The following SND1 variants were observed in gnomAD, a reference collection of about 807,000 sequenced individuals.
SND1 encodes staphylococcal nuclease and tudor domain containing 1.
A neutral mutation model predicts 121.7 loss-of-function variants in SND1; 38 were observed. The ratio of observed to expected loss-of-function variants is 0.31; its 90% CI spans 0.24 to 0.41. The LOEUF (loss-of-function observed/expected upper bound fraction) is 0.41, where lower values mean the gene tolerates loss of function less well. SND1 is among the 10% of genes least tolerant of loss of function. The pLI, the probability that SND1 is intolerant of heterozygous loss-of-function variation, is 1.00. For missense variants in SND1, 868 were observed against 1,184.6 expected (o/e 0.73, Z 3.92); for synonymous variants, 401 against 447.4 (o/e 0.90, Z 1.31).
At chr7:128,031,569 GT>G (rs1252800636) in intron 16 of SND1, 2 of 150,578 alleles carry the variant, frequency 1.3e-5, no homozygotes, top group South Asian at 4.1e-4. Flanking sequence ...CAGTTCTCCA[GT>G]CCGCCGGCTG....
chr7:128,034,986 T>TA (rs1792721073), intron 16 of SND1, among the ~76,000 whole-genome samples: 1 of 152,184 alleles, frequency 6.6e-6, no homozygotes, highest in Non-Finnish European at 1.5e-5. Flanking sequence ...ACTTACACCC[T>TA]AAGAGGAAGA....
In SND1 at chr7:127,671,558, T is replaced by TC. The variant is rs534102456; in HGVS notation, c.79-15054dup. On this transcript the variant is annotated intron_variant, in intron 1 of 23. Transcript: ENST00000354725. ...GTTGCCCGGGCTGGAGTGCAGTGGC[T>TC]CTTCACAGGCTGAGTCATCATAGTA... Among the ~76,000 whole-genome samples the TC allele has an allele frequency of 3.8e-4, 58 of 152,290 alleles. 2 individuals are homozygous for TC. In the East Asian group the frequency reaches 0.01, roughly 27 times the overall value.
chr7:127,935,047 T>C (rs886428519), intron 15 of SND1, among the ~76,000 whole-genome samples: 2 of 152,066 alleles, frequency 1.3e-5, no homozygotes, highest in African/African-American at 4.8e-5. Flanking sequence ...ATCAAGTATA[T>C]AAAAACTGTA....
intron 14 of SND1, among the ~76,000 whole-genome samples, chr7:127,913,117 A>G (rs950492449): frequency 1.3e-5 from 2 of 152,184 alleles, no homozygotes; most frequent in African/African-American, 4.8e-5. Context: ...ACCTCAGAAA[A>G]TGTTTGCTCA....
chr7:127,859,283 A>G (rs868173428), intron 12 of SND1, among the ~76,000 whole-genome samples: 2 of 152,094 alleles, frequency 1.3e-5, no homozygotes. Context: ...CTTAATGTCT[A>G]CGTTTTGCAG....
chr7:127,753,099 G>A (rs1797131148), intron 10 of SND1, among the ~76,000 whole-genome samples: 1 of 152,118 alleles, frequency 6.6e-6, no homozygotes, highest in South Asian at 2.1e-4. Context: ...CAGTTTTTTA[G>A]GGACAAATAG....
At position 127,968,712 on chromosome 7, in the gene SND1, C is replaced by T. The variant is rs114515951; in HGVS notation, c.1670-22235C>T. Among the ~76,000 whole-genome samples the T allele has an allele frequency of 7.8e-3, 1,191 of 152,306 alleles. 18 individuals carry two copies. The highest frequency in any genetic ancestry group is 0.027 in the African/African-American group (1,113 of 41,568). On this transcript the variant is annotated intron_variant, in intron 15 of 23. Coordinates refer to ENST00000354725, the MANE Select transcript of SND1 (RefSeq NM_014390.4). ...CAGGATGCAATTGTGTTTCACAAAGCCAGTTCCTTTTCTGGCTTAGAATCA... is the reference window on the plus strand; with the variant it reads ...CAGGATGCAATTGTGTTTCACAAAGTCAGTTCCTTTTCTGGCTTAGAATCA...
At chr7:127,741,531 G>T (rs185415107) in intron 10 of SND1, among the ~76,000 whole-genome samples, 1 of 152,078 alleles carries the variant, frequency 6.6e-6, no homozygotes, top group South Asian at 2.1e-4. Flanking sequence ...TTGTTGTACC[G>T]CAGGTGACTC....
intron 16 of SND1, among the ~76,000 whole-genome samples, chr7:128,070,081 T>G (rs1398966513): frequency 6.6e-6 from 1 of 152,226 alleles, no homozygotes; most frequent in African/African-American, 2.4e-5. Flanking sequence ...GGGCTGCAAG[T>G]GAGGCAGACT....
intron 13 of SND1, among the ~76,000 whole-genome samples, chr7:127,902,944 C>T (rs767032752): frequency 1.3e-5 from 2 of 151,234 alleles, no homozygotes; most frequent in African/African-American, 2.4e-5. Flanking sequence ...TGCAGTTGCG[C>T]AATCTTGGCT....
At chr7:127,857,183 CTTTTTTTTT>C (rs71522259) in intron 12 of SND1, among the ~76,000 whole-genome samples, 22 of 67,942 alleles carry the variant, frequency 3.2e-4, no homozygotes, top group African/African-American at 8.8e-4. Context: ...AATGTCAACA[CTTTTTTTTT>C]TTTTTTTTTT....
intron 11 of SND1, among the ~76,000 whole-genome samples, chr7:127,818,288 A>T (rs325443): frequency 6.6e-6 from 1 of 152,218 alleles, no homozygotes; most frequent in East Asian, 1.9e-4. Flanking sequence ...CTTGTTGCCT[A>T]GTGTGAAGTC....
intron 16 of SND1, among the ~76,000 whole-genome samples, chr7:128,034,713 G>A (rs544013004): frequency 1.3e-5 from 2 of 152,340 alleles, no homozygotes; most frequent in South Asian, 2.1e-4. Context: ...CCCAAGCTCT[G>A]TCGAGCTCTA....
intron 10 of SND1, among the ~76,000 whole-genome samples, chr7:127,775,444 A>G (rs1797601287): frequency 6.6e-6 from 1 of 151,964 alleles, no homozygotes; most frequent in Non-Finnish European, 1.5e-5. Context: ...CAAATATCAC[A>G]TATATCAAGG....
chr7:127,659,810 C>G (rs1795276824), intron 1 of SND1, among the ~76,000 whole-genome samples: 1 of 152,152 alleles, frequency 6.6e-6, no homozygotes, highest in South Asian at 2.1e-4. Context: ...CCACCTCAAA[C>G]TCTCCTTTTC....
chr7:127,756,844 T>G (rs1211000931), intron 10 of SND1, among the ~76,000 whole-genome samples: 1 of 152,234 alleles, frequency 6.6e-6, no homozygotes, highest in African/African-American at 2.4e-5. Context: ...GTTCTCTTCC[T>G]AATACTAATA....
chr7:128,074,723 C>A (rs1160401117), intron 17 of SND1, 33 bp downstream of exon 17: 6 of 1,565,154 alleles, frequency 3.8e-6, no homozygotes, highest in African/African-American at 1.4e-5. Flanking sequence ...GCTCTCCCTG[C>A]CCTCCCGTCC....
At chr7:127,925,607 C>CTT (rs569713380) in intron 14 of SND1, among the ~76,000 whole-genome samples, 7 of 140,844 alleles carry the variant, frequency 5.0e-5, no homozygotes, top group Admixed American at 7.1e-5. Flanking sequence ...GTGGGTGTTT[C>CTT]TTTTTTTTTT....
intron 14 of SND1, among the ~76,000 whole-genome samples, chr7:127,906,926 G>C (rs1404667462): frequency 6.6e-6 from 1 of 151,764 alleles, no homozygotes; most frequent in East Asian, 1.9e-4. Context: ...ATTTACTTTT[G>C]TTCCTACCCC....
Sources: gnomAD v4.1 joint callset for allele counts (sites outside exome capture counted in the v4.1 genomes callset) on GRCh38, gnomAD v4.1.1 for gene constraint, MANE v1.5 for transcripts, NCBI Gene and HGNC (gene_info 2026-07-23, HGNC 2026-07-21) for gene names.